Variants in GLB1 observed in about 807,000 individuals in gnomAD.
GLB1 encodes galactosidase beta 1, also known as beta-galactosidase.
In GLB1, 56 loss-of-function variants were observed where a neutral mutation model predicts 74.0. That is an observed-to-expected ratio of 0.76 (90% CI 0.61 to 0.94). GLB1 has a LOEUF of 0.94. GLB1 is among the 40% of genes least tolerant of loss of function. The pLI, the probability that GLB1 is intolerant of heterozygous loss-of-function variation, is 0.00. For missense variants in GLB1, 787 were observed against 845.5 expected (o/e 0.93, Z 0.86); for synonymous variants, 323 against 323.6 (o/e 1.00, Z 0.02).
chr3:32,968,905 GCCT>G, the GLB1 span, among the ~76,000 whole-genome samples: 1 of 152,218 alleles, frequency 6.6e-6, no homozygotes, highest in Non-Finnish European at 1.5e-5. Flanking sequence ...CACTTGGATG[GCCT>G]CCTTGTTTTA....
intron 10 of GLB1, chr3:33,034,222 GGCCTGTA>G: frequency 1.5e-6 from 1 of 654,102 alleles, no homozygotes; most frequent in Admixed American, 2.3e-5. Flanking sequence ...GCCTGATCCT[GGCCTGTA>G]GGAGCTCAGA....
At chr3:33,090,415 A>G in intron 1 of GLB1, 1 of 985,430 alleles carries the variant, frequency 1.0e-6, no homozygotes, top group Non-Finnish European at 1.2e-6. Context: ...AAAAGCATGG[A>G]TGGGTATTTG....
chr3:33,063,362 C>T (rs1217599664), intron 5 of GLB1, among the ~76,000 whole-genome samples: 7 of 152,076 alleles, frequency 4.6e-5, no homozygotes, highest in Non-Finnish European at 1.0e-4. Flanking sequence ...TATGTCTATA[C>T]TTGTTTATTT....
intron 3 of GLB1, 112 bp from the exon 4 acceptor site, chr3:33,068,402 G>A: frequency 1.4e-6 from 2 of 1,421,788 alleles, no homozygotes; most frequent in Non-Finnish European, 1.9e-6. Flanking sequence ...AAGGGACAAG[G>A]GGTATTTGAG....
chr3:33,093,813 A>G lies in GLB1; in HGVS notation c.75+3198T>C. On this transcript the variant is annotated intron_variant, in intron 1 of 15. Coordinates refer to ENST00000307363, the MANE Select transcript of GLB1 (RefSeq NM_000404.4). The surrounding 1 kb of genome is among the most constrained non-coding windows in gnomAD (Gnocchi z 6.0). ...GCTGAGGATGAAGAGGAAGAAGAGC[A>G]TGATGATGTAAGCACCCAGGCAGGA... is the stretch of plus-strand genomic sequence containing the variant. 7 of 1,613,640 alleles carry G rather than the reference A, an allele frequency of 4.3e-6. No homozygotes were observed. Among genetic ancestry groups the G allele is most frequent in the Non-Finnish European group, 5.1e-6 (6 of 1,179,770 alleles).
chr3:33,021,625 G>C lies in GLB1; in HGVS notation c.1174C>G (p.Leu392Val). The C allele has an allele frequency of 1.2e-6, 2 of 1,614,062 alleles. No homozygotes were observed. Among genetic ancestry groups the C allele is most frequent in the Non-Finnish European group, 1.7e-6 (2 of 1,179,974 alleles). ...CTTTTGATGGGCCCAGAGGGACACA[G>C]AATGTCCAGAGCTGCTCCCACTGTC... ...LKTVGAALDI[L>V]CPSGPIKSLY... Residue 392 changes from leucine to valine, a missense_variant, in exon 12 of 16, where the codon CTG becomes GTG. Leu to Val is a conservative substitution (Grantham distance 32). Coordinates refer to ENST00000307363, the MANE Select transcript of GLB1 (RefSeq NM_000404.4).
downstream of GLB1, among the ~76,000 whole-genome samples, chr3:32,991,970 T>G (rs1247306297): frequency 6.6e-6 from 1 of 152,276 alleles, no homozygotes; most frequent in Non-Finnish European, 1.5e-5. Flanking sequence ...CAGCACACAT[T>G]GCAACCCATG....
At chr3:33,018,677 T>C in intron 12 of GLB1, 116 bp from the exon 13 acceptor site, 1 of 1,090,208 alleles carries the variant, frequency 9.2e-7, no homozygotes, top group African/African-American at 1.6e-5. Flanking sequence ...ATGAAAATCT[T>C]CCTCCACCTC....
intron 1 of GLB1, among the ~76,000 whole-genome samples, chr3:33,073,008 C>CATG (rs1403441559): frequency 6.6e-6 from 1 of 152,112 alleles, no homozygotes; most frequent in Non-Finnish European, 1.5e-5. Flanking sequence ...CTGTGCTGTT[C>CATG]ATGGGGCTGG....
At chr3:33,058,634 A>T (rs1055051335) in intron 5 of GLB1, among the ~76,000 whole-genome samples, 3 of 152,200 alleles carry the variant, frequency 2.0e-5, no homozygotes, top group Non-Finnish European at 4.4e-5. Flanking sequence ...AAAACAGGAA[A>T]AGTATCCATT....
At chr3:32,964,735 G>A in the GLB1 span, among the ~76,000 whole-genome samples, 8 of 152,102 alleles carry the variant, frequency 5.3e-5, no homozygotes, top group Non-Finnish European at 1.0e-4. Flanking sequence ...TCCATAAAAC[G>A]ACTTGTTCAA....
chr3:33,065,455 AGGGTT>A lies in GLB1; in HGVS notation c.552+3_552+7del. 1 of 1,573,776 alleles carries A rather than the reference AGGGTT, an allele frequency of 6.4e-7. No individual in the cohort carries two copies. Among genetic ancestry groups the A allele is most frequent in the Non-Finnish European group, 8.6e-7 (1 of 1,156,682 alleles). ...CCCCAATCCATCCATGCTCAACTCC[AGGGTT>A]ACCTGCACTGTTATAACTGGCCCTC... On this transcript the variant is annotated splice_donor_5th_base_variant and intron_variant, in intron 5 of 15. Coordinates refer to ENST00000307363, the MANE Select transcript of GLB1 (RefSeq NM_000404.4).
intron 1 of GLB1, among the ~76,000 whole-genome samples, chr3:33,087,399 G>A (rs62250506): frequency 0.48 from 73,068 of 151,836 alleles, 20,849 homozygotes; most frequent in Non-Finnish European, 0.62. Context: ...GTGAAACCCC[G>A]TCTCTACTAA....
At chr3:33,090,336 T>C in intron 1 of GLB1, 1 of 939,086 alleles carries the variant, frequency 1.1e-6, no homozygotes, top group Non-Finnish European at 1.3e-6. Flanking sequence ...CTCGTCATGC[T>C]TGTTAAAGCT....
At chr3:33,087,224 C>G (rs940587070) in intron 1 of GLB1, among the ~76,000 whole-genome samples, 1 of 151,690 alleles carries the variant, frequency 6.6e-6, no homozygotes, top group Admixed American at 6.6e-5. Flanking sequence ...CATGAAGAAA[C>G]AGAAAATCTA....
rs567972479 is a variant in GLB1 at position 32,996,658 on chromosome 3, A to G, written c.*387T>C. 1 of 291,324 alleles carries G rather than the reference A, an allele frequency of 3.4e-6. No individual in the cohort carries two copies. The highest frequency in any genetic ancestry group is 2.2e-5 in the African/African-American group (1 of 45,986). 18.0% of individuals were successfully genotyped at this position (291,324 alleles called of 1,614,324 possible). A position where few individuals can be genotyped will look rare whatever the true frequency, so the allele number is the denominator to read the frequency against. On this transcript the variant is annotated 3_prime_UTR_variant, in exon 16 of 16. Transcript: ENST00000307363. ...GTTAGTGAAGTGGTTTATTCAGCCC[A>G]CTCAAGTCTAGTTATGATTTAAGTC...
chr3:33,075,497 G>T (rs945026012), intron 1 of GLB1, among the ~76,000 whole-genome samples: 4 of 152,154 alleles, frequency 2.6e-5, no homozygotes, highest in Non-Finnish European at 5.9e-5. Context: ...GTATTACCAA[G>T]CACCTCTTAC....
At chr3:33,096,410 C>A (rs1283434911) in intron 1 of GLB1, 30 of 892,208 alleles carry the variant, frequency 3.4e-5, no homozygotes, top group Non-Finnish European at 4.0e-5. Context: ...CCCCCCTCAA[C>A]CTGGACCCCC....
chr3:33,048,931 T>G (rs1001308134), intron 9 of GLB1, among the ~76,000 whole-genome samples: 2 of 151,974 alleles, frequency 1.3e-5, no homozygotes, highest in Non-Finnish European at 2.9e-5. Flanking sequence ...GCAGGCTAAA[T>G]AAGGCAACAG....
Sources: gnomAD v4.1 joint callset for allele counts (sites outside exome capture counted in the v4.1 genomes callset) on GRCh38, gnomAD v4.1.1 for gene constraint, Gnocchi (gnomAD v3.1) non-coding constraint, MANE v1.5 for transcripts, NCBI Gene and HGNC (gene_info 2026-07-23, HGNC 2026-07-21) for gene names.